STK11: variants seen among roughly 807,000 people sequenced by gnomAD.
STK11 encodes the protein serine/threonine kinase 11, also known as serine/threonine-protein kinase STK11.
STK11 carries 8 observed loss-of-function variants against 47.3 expected under a neutral mutation model. The observed-to-expected ratio is 0.17, with a 90% confidence interval of 0.10 to 0.31. The LOEUF (loss-of-function observed/expected upper bound fraction) is 0.31, where lower values mean the gene tolerates loss of function less well. Ranked by LOEUF, STK11 falls within the 10% of genes least tolerant of loss-of-function variation. The pLI is 1.00. For missense variants in STK11, 475 were observed against 605.0 expected, an observed-to-expected ratio of 0.79 and a Z score of 2.25; for synonymous variants, 330 against 255.8, an observed-to-expected ratio of 1.29 and a Z score of -2.77.
chr19:1,206,758 G>T lies in STK11; in HGVS notation c.-156G>T. The T allele has an allele frequency of 1.0e-6, 1 of 990,852 alleles. No individual in the cohort carries two copies. The highest frequency in any genetic ancestry group is 1.8e-5 in the South Asian group (1 of 56,496). 61.4% of individuals were successfully genotyped at this position (990,852 alleles called of 1,614,324 possible). A position where few individuals can be genotyped will look rare whatever the true frequency, so the allele number is the denominator to read the frequency against. The stretch of plus-strand genomic sequence containing the variant: ...ACGTGTAGAACAATCGTTTCTGTTG[G>T]AAGAAGGGTTTTTCCCTTCCTTTTG... On this transcript the variant is annotated 5_prime_UTR_variant, in exon 1 of 10. Transcript: ENST00000326873.
At chr19:1,223,488 G>A (rs2080800260) in intron 8 of STK11, 3 of 837,934 alleles carry the variant, frequency 3.6e-6, no homozygotes, top group Non-Finnish European at 4.9e-6. Context: ...AGCAGGCGGG[G>A]GAGCCCCAGG....
At chr19:1,207,284 C>A (rs530032355) in intron 1 of STK11, 81 bp downstream of exon 1, 1 of 1,490,562 alleles carries the variant, frequency 6.7e-7, no homozygotes, top group Non-Finnish European at 9.0e-7. Context: ...TTCTCTCCTC[C>A]CTCCCTCCCT....
At chr19:1,210,348 G>C (rs867213881) in intron 1 of STK11, among the ~76,000 whole-genome samples, 1 of 152,162 alleles carries the variant, frequency 6.6e-6, no homozygotes, top group South Asian at 2.1e-4. Flanking sequence ...GTCTCGCAGC[G>C]AGTGTCTGGA....
intron 8 of STK11, 58 bp from the exon 9 acceptor site, chr19:1,226,396 C>T (rs2145435579): frequency 5.1e-6 from 8 of 1,577,722 alleles, no homozygotes; most frequent in East Asian, 2.3e-5. Flanking sequence ...CAGCCAGGTC[C>T]CTGTGGCTCT....
At chr19:1,223,826 G>A (rs1293809194) in intron 8 of STK11, 4 of 1,030,130 alleles carry the variant, frequency 3.9e-6, no homozygotes, top group Non-Finnish European at 4.7e-6. Flanking sequence ...TCCCGGCTTG[G>A]CTGTGTTCGG....
intron 1 of STK11, among the ~76,000 whole-genome samples, chr19:1,208,459 C>T (rs1406536228): frequency 6.6e-6 from 1 of 151,668 alleles, no homozygotes; most frequent in Non-Finnish European, 1.5e-5. Flanking sequence ...AGGCACCCGC[C>T]ACCACGCCCG....
chr19:1,220,728 C>T lies in STK11; in HGVS notation c.734+11C>T, dbSNP rs773604294. On this transcript the variant is annotated intron_variant, in intron 5 of 9. Coordinates refer to ENST00000326873, the MANE Select transcript of STK11 (RefSeq NM_000455.5). ...GGCTGGGGTCACCCTGTAAGTGCCC[C>T]GCCCCCCCGGGCACTCACCACACGC... 1.7e-5 allele frequency: 27 copies of T among 1,602,678 alleles called. No homozygotes were observed. Among genetic ancestry groups the T allele is most frequent in the African/African-American group, 1.3e-4 (10 of 74,714 alleles).
At position 1,221,273 on chromosome 19, in the gene STK11, G is replaced by C. The variant is rs730881963; in HGVS notation, c.795G>C (p.Glu265Asp). 6.2e-7 allele frequency: 1 copy of C among 1,612,054 alleles called. No individual in the cohort carries two copies. The highest frequency in any genetic ancestry group is 2.2e-5 in the East Asian group (1 of 44,874). The change falls in exon 6 of 10, where the codon GAG (glutamate) becomes GAC (aspartate). Residue 265 changes from glutamate to aspartate, a missense_variant. Physicochemically the swap from Glu to Asp is conservative, Grantham distance 45. Transcript: ENST00000326873. Reference sequence around the variant, plus strand: ...GGGACAACATCTACAAGTTGTTTGAGAACATCGGGAAGGGGAGCTACGCCA... The same window carrying C: ...GGGACAACATCTACAAGTTGTTTGACAACATCGGGAAGGGGAGCTACGCCA... ...FEGDNIYKLF[E>D]NIGKGSYAIP...
At chr19:1,224,088 C>T (rs772638067) in intron 8 of STK11, 24 of 996,026 alleles carry the variant, frequency 2.4e-5, no homozygotes, top group Middle Eastern at 5.1e-4. Context: ...TTAGGTCCCT[C>T]AGCACTCCTG....
chr19:1,226,342 C>T (rs901888388), intron 8 of STK11, 112 bp from the exon 9 acceptor site: 3 of 1,507,802 alleles, frequency 2.0e-6, no homozygotes, highest in African/African-American at 1.4e-5. Context: ...CGGGGGCGGG[C>T]ATGGCCTGGG....
chr19:1,209,399 A>C (rs2145409326), intron 1 of STK11, among the ~76,000 whole-genome samples: 1 of 152,178 alleles, frequency 6.6e-6, no homozygotes, highest in Admixed American at 6.5e-5. Context: ...CCTGGCCAAC[A>C]TGGTGAAACC....
intron 8 of STK11, chr19:1,223,994 T>A (rs1292796333): frequency 3.0e-6 from 3 of 1,008,202 alleles, no homozygotes; most frequent in Non-Finnish European, 3.6e-6. Context: ...GCCAGGCAGG[T>A]TGGGATGTGA....
rs749344634 is a variant in STK11, at chr19:1,221,331, C to T, written c.853C>T (p.Leu285=). 1.9e-6 allele frequency: 3 copies of T among 1,608,452 alleles called. No homozygotes were observed. The highest frequency in any genetic ancestry group is 8.5e-7 in the Non-Finnish European group (1 of 1,177,696). ...CGACTGTGGCCCCCCGCTCTCTGAC[C>T]TGCTGAAAGGTGGGAGCCTCATCCC... The part of the protein sequence containing the change: ...PGDCGPPLSD[L]LKGMLEYEPA... The change falls in exon 6 of 10, where the codon CTG becomes TTG. Residue 285 remains leucine, a synonymous_variant. Coordinates refer to ENST00000326873, the MANE Select transcript of STK11 (RefSeq NM_000455.5).
At chr19:1,214,011 A>G (rs1459077025) in intron 1 of STK11, among the ~76,000 whole-genome samples, 1 of 152,186 alleles carries the variant, frequency 6.6e-6, no homozygotes, top group Non-Finnish European at 1.5e-5. Flanking sequence ...CTGCTAATCA[A>G]CAAGTCAGCT....
rs2145436544 is a variant in STK11, at chr19:1,226,617, C to A, written c.1272C>A (p.Ile424=). 1.3e-6 allele frequency: 2 copies of A among 1,552,100 alleles called. No homozygotes were observed. The highest frequency in any genetic ancestry group is 1.7e-6 in the Non-Finnish European group (2 of 1,149,548). ...ARKACSASSK[I]RRLSACKQQ is the part of the protein sequence containing the mutation. ...AGGCCTGCTCCGCCAGCAGCAAGAT[C>A]CGCCGGCTGTCGGCCTGCAAGCAGC... Residue 424 remains isoleucine (I), a synonymous_variant, in exon 9 of 10, where the codon ATC becomes ATA. Coordinates refer to ENST00000326873, the MANE Select transcript of STK11 (RefSeq NM_000455.5).
At chr19:1,213,636 T>A (rs1042562695) in intron 1 of STK11, among the ~76,000 whole-genome samples, 3 of 152,234 alleles carry the variant, frequency 2.0e-5, no homozygotes, top group Non-Finnish European at 2.9e-5. Flanking sequence ...CACTTTCCAG[T>A]GTGTGGAGGG....
At chr19:1,211,462 G>C (rs929653756) in intron 1 of STK11, among the ~76,000 whole-genome samples, 3 of 3,324 alleles carry the variant, frequency 9.0e-4, no homozygotes, top group African/African-American at 7.5e-3. Context: ...TGGGGTTCTG[G>C]GGGGGGGGGT....
Position 1,205,994 on chromosome 19 carries a change from A to C in STK11, c.-920A>C, listed in dbSNP as rs969207812. The C allele has an allele frequency of 7.0e-6, 1 of 142,934 alleles. No individual in the cohort carries two copies. The highest frequency in any genetic ancestry group is 1.5e-5 in the Non-Finnish European group (1 of 65,200). The allele number at this position is 142,934 out of a possible 1,614,324, so 8.9% of individuals were successfully genotyped here. On this transcript the variant is annotated 5_prime_UTR_variant, in exon 1 of 10. Coordinates refer to ENST00000326873, the MANE Select transcript of STK11 (RefSeq NM_000455.5). ...CGCCCGGGGCCCGGCACCTTCGGGA[A>C]CCCCCCGGCCCGGAGCCTGCGGCCT...
intron 1 of STK11, 146 bp downstream of exon 1, chr19:1,207,349 C>T: frequency 8.5e-7 from 1 of 1,177,896 alleles, no homozygotes; most frequent in Non-Finnish European, 1.2e-6. Context: ...TCCTCCGTGC[C>T]AGGGAGAGCG....
Sources: allele counts gnomAD v4.1 joint callset (sites outside exome capture counted in the v4.1 genomes callset), GRCh38; gene constraint gnomAD v4.1.1; transcripts MANE v1.5; gene names NCBI Gene and HGNC (gene_info 2026-07-23, HGNC 2026-07-21).